Variants in PCCA observed in about 807,000 individuals in gnomAD.
PCCA encodes propionyl-CoA carboxylase alpha chain, mitochondrial.
PCCA carries 74 observed loss-of-function variants against 101.3 expected under a neutral mutation model. The observed-to-expected ratio is 0.73, with a 90% confidence interval of 0.61 to 0.89. PCCA has a LOEUF of 0.89. Among genes scored for constraint, PCCA ranks in the 40% least tolerant of loss-of-function variants. PCCA has a pLI of 0.00. For missense variants in PCCA, 891 were observed against 907.0 expected, an observed-to-expected ratio of 0.98 and a Z score of 0.23; for synonymous variants, 294 against 313.6, an observed-to-expected ratio of 0.94 and a Z score of 0.66.
At chr13:100,313,280 T>TG (rs1426961211) in intron 16 of PCCA, among the ~76,000 whole-genome samples, 3 of 152,204 alleles carry the variant, frequency 2.0e-5, no homozygotes, top group Non-Finnish European at 4.4e-5. Context: ...GGATTTTTCT[T>TG]GCCTGCTGCA....
chr13:100,227,001 G>A (rs536238345), intron 7 of PCCA, among the ~76,000 whole-genome samples: 3 of 152,276 alleles, frequency 2.0e-5, no homozygotes, highest in East Asian at 3.9e-4. Context: ...CTGGCATAGC[G>A]CCTGTGTTCT....
At chr13:100,105,420 TTAAC>T (rs2047659361) in intron 2 of PCCA, among the ~76,000 whole-genome samples, 1 of 152,148 alleles carries the variant, frequency 6.6e-6, no homozygotes, top group African/African-American at 2.4e-5. Flanking sequence ...TTAAGAGTAA[TTAAC>T]TAACATTTGT....
At chr13:100,261,478 G>A (rs1318764234) in intron 9 of PCCA, among the ~76,000 whole-genome samples, 1 of 151,672 alleles carries the variant, frequency 6.6e-6, no homozygotes, top group Non-Finnish European at 1.5e-5. Flanking sequence ...CGGTTCTCCT[G>A]CTTCAGTCTC....
intron 16 of PCCA, among the ~76,000 whole-genome samples, chr13:100,314,455 C>T (rs188122724): frequency 6.6e-6 from 1 of 152,292 alleles, no homozygotes; most frequent in African/African-American, 2.4e-5. Context: ...TTCAGTCCCT[C>T]TCCCCTTTGG....
intron 19 of PCCA, among the ~76,000 whole-genome samples, chr13:100,403,758 C>G (rs190215512): frequency 8.5e-5 from 13 of 152,208 alleles, no homozygotes; most frequent in Admixed American, 8.5e-4. Flanking sequence ...TCTTCAAGGC[C>G]AGAGTCCTGC....
At chr13:100,223,884 C>T (rs567051122) in intron 7 of PCCA, among the ~76,000 whole-genome samples, 6 of 152,296 alleles carry the variant, frequency 3.9e-5, no homozygotes, top group Non-Finnish European at 5.9e-5. Context: ...CATTCACAAA[C>T]CCTGAGCTAG....
In PCCA at chr13:100,393,576, G is replaced by GCCACCACA. The variant is rs553766371; in HGVS notation, c.1746+25004_1746+25005insACCACACC. 1.1e-3 allele frequency among the ~76,000 whole-genome samples: 166 copies of GCCACCACA among 152,014 alleles called. 6 individuals are homozygous for GCCACCACA. The South Asian group carries it at 0.031, about 29-fold the overall frequency. On this transcript the variant is annotated intron_variant, in intron 19 of 23. Transcript: ENST00000376285. ...TGGGTTTACAGGCGCCCGCCACCGT[G>GCCACCACA]CCTGGCTAATTTTTGTATTTTTAGA...
At chr13:100,170,910 A>G (rs2055572966) in intron 6 of PCCA, among the ~76,000 whole-genome samples, 1 of 152,236 alleles carries the variant, frequency 6.6e-6, no homozygotes, top group Admixed American at 6.5e-5. Context: ...GGGTGATACA[A>G]TAGAGCATTG....
At chr13:100,402,818 A>G (rs1452647283) in intron 19 of PCCA, among the ~76,000 whole-genome samples, 1 of 152,178 alleles carries the variant, frequency 6.6e-6, no homozygotes, top group East Asian at 1.9e-4. Context: ...TGGAAGATGG[A>G]TGGTAGAATT....
chr13:100,379,234 G>T (rs115527949), intron 19 of PCCA, among the ~76,000 whole-genome samples: 1 of 152,020 alleles, frequency 6.6e-6, no homozygotes, highest in South Asian at 2.1e-4. Flanking sequence ...TTTCTTTAGT[G>T]GCTTAGGGTA....
intron 8 of PCCA, among the ~76,000 whole-genome samples, chr13:100,246,371 G>A (rs1051621958): frequency 6.6e-6 from 1 of 152,164 alleles, no homozygotes; most frequent in African/African-American, 2.4e-5. Flanking sequence ...GTGCAGTGGT[G>A]TGATCACGGC....
chr13:100,203,461 G>C (rs1284307493), intron 6 of PCCA, among the ~76,000 whole-genome samples: 1 of 151,980 alleles, frequency 6.6e-6, no homozygotes, highest in Non-Finnish European at 1.5e-5. Context: ...AGGCCGAGGC[G>C]GGTGGATCAC....
At chr13:100,478,122 C>T (rs1270482151) in intron 21 of PCCA, among the ~76,000 whole-genome samples, 1 of 152,202 alleles carries the variant, frequency 6.6e-6, no homozygotes, top group East Asian at 1.9e-4. Context: ...TTGCATTTTA[C>T]CCTGAAGAGG....
At chr13:100,099,283 C>T (rs927206736) in intron 1 of PCCA, among the ~76,000 whole-genome samples, 2 of 150,192 alleles carry the variant, frequency 1.3e-5, no homozygotes, top group Non-Finnish European at 3.0e-5. Flanking sequence ...CGTGAGGCCA[C>T]ATCTTGCTTA....
chr13:100,118,209 T>G (rs895766434), intron 4 of PCCA, among the ~76,000 whole-genome samples: 3 of 152,078 alleles, frequency 2.0e-5, no homozygotes, highest in Admixed American at 6.6e-5. Flanking sequence ...ATAAGTATGG[T>G]TTTCTACATA....
At chr13:100,334,399 C>T (rs1165778254) in intron 17 of PCCA, among the ~76,000 whole-genome samples, 1 of 152,180 alleles carries the variant, frequency 6.6e-6, no homozygotes, top group Admixed American at 6.5e-5. Context: ...AAACCACTGC[C>T]TAACTCTTTG....
chr13:100,393,187 T>C (rs2076887134), intron 19 of PCCA, among the ~76,000 whole-genome samples: 1 of 152,120 alleles, frequency 6.6e-6, no homozygotes, highest in Non-Finnish European at 1.5e-5. Context: ...ACACGATTGC[T>C]CAATATGATT....
chr13:100,209,886 C>G (rs950495035), intron 7 of PCCA, among the ~76,000 whole-genome samples: 4 of 152,208 alleles, frequency 2.6e-5, no homozygotes, highest in Admixed American at 6.5e-5. Flanking sequence ...CCTGCTTCAT[C>G]CTCCCAAGGT....
intron 21 of PCCA, among the ~76,000 whole-genome samples, chr13:100,480,580 G>A (rs554447269): frequency 1.2e-4 from 19 of 152,178 alleles, no homozygotes; most frequent in African/African-American, 3.4e-4. Flanking sequence ...GATAAAGGAC[G>A]TGACTTCCAT....
Sources: gnomAD v4.1 joint callset for allele counts (sites outside exome capture counted in the v4.1 genomes callset) on GRCh38, gnomAD v4.1.1 for gene constraint, MANE v1.5 for transcripts, NCBI Gene and HGNC (gene_info 2026-07-23, HGNC 2026-07-21) for gene names.